MAGI2: variants seen among roughly 807,000 people sequenced by gnomAD.
MAGI2 encodes membrane associated guanylate kinase, WW and PDZ domain containing 2, also known as membrane-associated guanylate kinase, WW and PDZ domain-containing protein 2.
A neutral mutation model predicts 133.3 loss-of-function variants in MAGI2; 35 were observed. That is an observed-to-expected ratio of 0.26 (90% CI 0.20 to 0.35). MAGI2 has a LOEUF of 0.35. Ranked by LOEUF, MAGI2 falls within the 10% of genes least tolerant of loss-of-function variation. MAGI2 has a pLI of 1.00. For synonymous variants in MAGI2, 729 were observed against 710.6 expected, an observed-to-expected ratio of 1.03 and a Z score of -0.41; for missense variants, 1,636 against 1,863.4, an observed-to-expected ratio of 0.88 and a Z score of 2.25.
intron 1 of MAGI2, among the ~76,000 whole-genome samples, chr7:79,317,438 G>A (rs186652864): frequency 6.6e-6 from 1 of 151,644 alleles, no homozygotes; most frequent in African/African-American, 2.4e-5. Flanking sequence ...AGAATACACT[G>A]AGCCACAAAT....
chr7:78,155,442 C>T (rs1025738853), intron 16 of MAGI2, among the ~76,000 whole-genome samples: 40 of 152,084 alleles, frequency 2.6e-4, no homozygotes, highest in Admixed American at 9.2e-4. Flanking sequence ...GGCAAAACCT[C>T]GTCTCTACTA....
chr7:78,476,069 A>G (rs756981727), intron 6 of MAGI2, among the ~76,000 whole-genome samples: 7 of 152,038 alleles, frequency 4.6e-5, no homozygotes, highest in Admixed American at 1.3e-4. Flanking sequence ...AGTTGTATTC[A>G]TTTGCATTTT....
At chr7:78,671,097 T>G (rs12667754) in intron 2 of MAGI2, among the ~76,000 whole-genome samples, 1 of 151,832 alleles carries the variant, frequency 6.6e-6, no homozygotes, top group African/African-American at 2.4e-5. Flanking sequence ...AGTAAGATTA[T>G]CAAACCTATG....
chr7:79,444,393 A>G (rs982041769), intron 1 of MAGI2, among the ~76,000 whole-genome samples: 34 of 152,222 alleles, frequency 2.2e-4, no homozygotes, highest in African/African-American at 8.2e-4. Context: ...TGCAGATGAC[A>G]TGATTGTATA....
chr7:78,184,893 A>G (rs967071833), intron 13 of MAGI2, among the ~76,000 whole-genome samples: 4 of 152,224 alleles, frequency 2.6e-5, no homozygotes, highest in African/African-American at 9.6e-5. Context: ...AAAAAAATTA[A>G]GTTGATATAG....
At chr7:78,608,366 G>A (rs1429073983) in intron 3 of MAGI2, among the ~76,000 whole-genome samples, 2 of 151,728 alleles carry the variant, frequency 1.3e-5, no homozygotes, top group Non-Finnish European at 2.9e-5. Flanking sequence ...GGGTATCAGT[G>A]TCCTCATATG....
intron 9 of MAGI2, among the ~76,000 whole-genome samples, chr7:78,288,496 G>T (rs1796374675): frequency 6.6e-6 from 1 of 152,162 alleles, no homozygotes; most frequent in African/African-American, 2.4e-5. Flanking sequence ...GGTAAGGGCA[G>T]TTCAAAGATG....
chr7:78,716,686 A>G, intron 2 of MAGI2, among the ~76,000 whole-genome samples: 1 of 152,212 alleles, frequency 6.6e-6, no homozygotes, highest in East Asian at 1.9e-4. Context: ...GTGCTTAAGA[A>G]AGATCAATTT....
chr7:78,989,798 C>T lies in MAGI2; in HGVS notation c.418+17292G>A, dbSNP rs1805586538. On this transcript the variant is annotated intron_variant, in intron 2 of 21. Coordinates refer to ENST00000354212, the MANE Select transcript of MAGI2 (RefSeq NM_012301.4). ...CCACCGTTTTCAGCCTACCCACTAT[C>T]CTTAGCTCAGGTTGCACTGATCCAA... is the stretch of plus-strand genomic sequence containing the variant. Among the ~76,000 whole-genome samples, 2 of 152,026 alleles carry T rather than the reference C, an allele frequency of 1.3e-5. 1 individual carries two copies. Among genetic ancestry groups the T allele is most frequent in the African/African-American group, 4.8e-5 (2 of 41,420 alleles).
At chr7:79,301,245 G>A (rs1024166631) in intron 1 of MAGI2, among the ~76,000 whole-genome samples, 7 of 152,244 alleles carry the variant, frequency 4.6e-5, no homozygotes, top group Admixed American at 4.6e-4. Flanking sequence ...TCCACTGGCA[G>A]CCTGGGCTCT....
chr7:79,396,318 C>A (rs1009204566), intron 1 of MAGI2, among the ~76,000 whole-genome samples: 1 of 152,040 alleles, frequency 6.6e-6, no homozygotes, highest in Non-Finnish European at 1.5e-5. Context: ...CAATGAAGCC[C>A]CAAGGGTAGC....
intron 20 of MAGI2, among the ~76,000 whole-genome samples, chr7:78,122,558 T>TA (rs1408821198): frequency 6.6e-6 from 1 of 152,204 alleles, no homozygotes; most frequent in Non-Finnish European, 1.5e-5. Flanking sequence ...TAAATAGGCA[T>TA]ACACAAATGG....
chr7:79,370,928 T>C (rs987589443), intron 1 of MAGI2, among the ~76,000 whole-genome samples: 12 of 152,232 alleles, frequency 7.9e-5, no homozygotes, highest in African/African-American at 2.6e-4. Flanking sequence ...CATTTTTTTC[T>C]CACTCTTGAA....
chr7:79,408,200 G>T (rs908536861), intron 1 of MAGI2, among the ~76,000 whole-genome samples: 2 of 151,890 alleles, frequency 1.3e-5, no homozygotes, highest in Non-Finnish European at 1.5e-5. Flanking sequence ...CTATTCATGT[G>T]CTTTCTCCCT....
At chr7:78,970,738 T>C (rs1803716014) in intron 2 of MAGI2, among the ~76,000 whole-genome samples, 1 of 152,100 alleles carries the variant, frequency 6.6e-6, no homozygotes, top group African/African-American at 2.4e-5. Flanking sequence ...CAAAGTTGAA[T>C]TGTCAGTCAG....
intron 6 of MAGI2, among the ~76,000 whole-genome samples, chr7:78,378,436 C>T (rs866718123): frequency 6.6e-6 from 1 of 151,762 alleles, no homozygotes; most frequent in African/African-American, 2.4e-5. Flanking sequence ...CCAGTCAATT[C>T]CAAAATACAT....
At chr7:79,437,802 C>T (rs1297251380) in intron 1 of MAGI2, among the ~76,000 whole-genome samples, 2 of 152,028 alleles carry the variant, frequency 1.3e-5, no homozygotes, top group Non-Finnish European at 2.9e-5. Context: ...TTGTTTGTAT[C>T]TGACTTGCTA....
At chr7:78,968,673 G>A (rs1464652347) in intron 2 of MAGI2, among the ~76,000 whole-genome samples, 1 of 151,980 alleles carries the variant, frequency 6.6e-6, no homozygotes, top group Non-Finnish European at 1.5e-5. Context: ...AAGCAAATAT[G>A]TTAAATTCCA....
At chr7:78,600,634 G>A (rs578133890) in intron 3 of MAGI2, among the ~76,000 whole-genome samples, 2 of 152,184 alleles carry the variant, frequency 1.3e-5, no homozygotes, top group Middle Eastern at 3.4e-3. Context: ...GGGGAAAAGG[G>A]CATATAAAAC....
Sources: allele counts gnomAD v4.1 joint callset (sites outside exome capture counted in the v4.1 genomes callset), GRCh38; gene constraint gnomAD v4.1.1; transcripts MANE v1.5; gene names NCBI Gene and HGNC (gene_info 2026-07-23, HGNC 2026-07-21).